The following SERPINI1 variants were observed in gnomAD, a reference collection of about 807,000 sequenced individuals.
The protein encoded by SERPINI1 is serpin family I member 1.
SERPINI1 carries 19 observed loss-of-function variants against 41.1 expected under a neutral mutation model. The ratio of observed to expected loss-of-function variants is 0.46; its 90% confidence interval spans 0.32 to 0.68. The LOEUF (loss-of-function observed/expected upper bound fraction) is 0.68, where lower values mean the gene tolerates loss of function less well. Among genes scored for constraint, SERPINI1 ranks in the 30% least tolerant of loss-of-function variants. The pLI is 0.03. For synonymous variants in SERPINI1, 138 were observed against 156.6 expected (o/e 0.88, Z 0.89); for missense variants, 460 against 479.2 (o/e 0.96, Z 0.37).
At chr3:167,760,562 TG>T (rs1367030950) in intron 1 of SERPINI1, among the ~76,000 whole-genome samples, 17 of 928 alleles carry the variant, frequency 0.018, no homozygotes, top group Admixed American at 0.068. Flanking sequence ...GGCTCCAAAT[TG>T]TGTGTGTGTG....
At chr3:167,796,836 G>GT (rs909299801) in intron 5 of SERPINI1, among the ~76,000 whole-genome samples, 9 of 152,222 alleles carry the variant, frequency 5.9e-5, no homozygotes, top group Non-Finnish European at 8.8e-5. Flanking sequence ...ATGTGTGCAT[G>GT]TATCTTTATA....
intron 6 of SERPINI1, among the ~76,000 whole-genome samples, chr3:167,819,698 C>T (rs1185530933): frequency 6.6e-6 from 1 of 152,126 alleles, no homozygotes; most frequent in Admixed American, 6.5e-5. Flanking sequence ...CTTATATGTA[C>T]AAGATAATTA....
chr3:167,792,064 G>A (rs562709837), intron 3 of SERPINI1, among the ~76,000 whole-genome samples: 172 of 152,268 alleles, frequency 1.1e-3, no homozygotes, highest in African/African-American at 3.9e-3. Context: ...GACAGAGTTT[G>A]CAGTGAGCAG....
At chr3:167,807,476 A>C (rs149420280) in intron 6 of SERPINI1, 135 bp downstream of exon 6, 1 of 639,918 alleles carries the variant, frequency 1.6e-6, no homozygotes, top group Non-Finnish European at 2.8e-6. Flanking sequence ...CTAGCATGAA[A>C]TACATTTAAC....
intron 1 of SERPINI1, among the ~76,000 whole-genome samples, chr3:167,742,569 A>G (rs939544111): frequency 1.3e-5 from 2 of 152,176 alleles, no homozygotes; most frequent in Non-Finnish European, 2.9e-5. Context: ...ATCAGGAAAT[A>G]AAAGCTTTCC....
At chr3:167,813,654 A>G (rs909098887) in intron 6 of SERPINI1, among the ~76,000 whole-genome samples, 30 of 152,250 alleles carry the variant, frequency 2.0e-4, no homozygotes, top group African/African-American at 7.0e-4. Context: ...ATCTGGTAGC[A>G]CTTTGCACAC....
In SERPINI1 at chr3:167,806,309, C is replaced by T. The variant is rs530098889; in HGVS notation, c.882-935C>T. 2.0e-5 allele frequency among the ~76,000 whole-genome samples: 3 copies of T among 151,866 alleles called. No individual in the cohort carries two copies. The South Asian group carries it at 6.2e-4, about 32-fold the overall frequency. ...GACTTAGGGAGGGGAACATCACACACTGGGTCCTGTCTGAGGGGGTAGGGG... is the reference window on the plus strand; with the variant it reads ...GACTTAGGGAGGGGAACATCACACATTGGGTCCTGTCTGAGGGGGTAGGGG... On this transcript the variant is annotated intron_variant, in intron 5 of 8. Transcript: ENST00000446050.
At chr3:167,748,030 A>G (rs1011433138) in intron 1 of SERPINI1, among the ~76,000 whole-genome samples, 12 of 151,962 alleles carry the variant, frequency 7.9e-5, no homozygotes, top group Non-Finnish European at 1.2e-4. Context: ...AGCTTATCTT[A>G]ATACTTCTTT....
chr3:167,765,514 T>C (rs891514907), intron 1 of SERPINI1, among the ~76,000 whole-genome samples: 1 of 152,190 alleles, frequency 6.6e-6, no homozygotes, highest in African/African-American at 2.4e-5. Context: ...ATGAAACCAC[T>C]TTTTCCTCCT....
chr3:167,812,069 C>T (rs1227500797), intron 6 of SERPINI1, among the ~76,000 whole-genome samples: 2 of 152,138 alleles, frequency 1.3e-5, no homozygotes, highest in African/African-American at 2.4e-5. Context: ...GCTAAGACCT[C>T]TCAAGTCCAC....
chr3:167,768,283 G>A (rs1726630371), intron 1 of SERPINI1, among the ~76,000 whole-genome samples: 1 of 152,106 alleles, frequency 6.6e-6, no homozygotes, highest in Admixed American at 6.5e-5. Flanking sequence ...GCATTTTTCA[G>A]CAATAAAGTA....
intron 7 of SERPINI1, among the ~76,000 whole-genome samples, chr3:167,823,553 AGGGTAAATG>A: frequency 6.6e-6 from 1 of 152,336 alleles, no homozygotes; most frequent in South Asian, 2.1e-4. Context: ...TAATGACATC[AGGGTAAATG>A]GGGTATTCAT....
intron 1 of SERPINI1, among the ~76,000 whole-genome samples, chr3:167,741,613 T>C (rs943568963): frequency 2.6e-5 from 4 of 152,236 alleles, no homozygotes; most frequent in African/African-American, 9.6e-5. Flanking sequence ...TACCATATTG[T>C]GGTGTATAAT....
rs181476400 is a variant in SERPINI1, at chr3:167,778,192, C to T, written c.-18-10919C>T. On this transcript the variant is annotated intron_variant, in intron 1 of 8. Coordinates refer to ENST00000446050, the MANE Select transcript of SERPINI1 (RefSeq NM_001122752.2). ...GAGCAGGTCATCAGGCCCAGCTGTACTCTTGCATGCATGTAAAATAACCAA... is the reference window on the plus strand; with the variant it reads ...GAGCAGGTCATCAGGCCCAGCTGTATTCTTGCATGCATGTAAAATAACCAA... 1.8e-3 allele frequency among the ~76,000 whole-genome samples: 274 copies of T among 152,022 alleles called. 1 individual carries two copies. The highest frequency in any genetic ancestry group is 3.3e-3 in the Admixed American group (51 of 15,286).
At chr3:167,818,365 G>T (rs1282542875) in intron 6 of SERPINI1, among the ~76,000 whole-genome samples, 1 of 152,100 alleles carries the variant, frequency 6.6e-6, no homozygotes, top group Non-Finnish European at 1.5e-5. Flanking sequence ...AAGGTTCACA[G>T]ATATATGTAT....
intron 1 of SERPINI1, among the ~76,000 whole-genome samples, chr3:167,761,091 G>C (rs1169433314): frequency 6.6e-6 from 1 of 152,160 alleles, no homozygotes; most frequent in Non-Finnish European, 1.5e-5. Context: ...ACTCACGTGT[G>C]ATCTTTTGCC....
chr3:167,787,285 A>T (rs200614069), intron 1 of SERPINI1, among the ~76,000 whole-genome samples: 10 of 152,316 alleles, frequency 6.6e-5, no homozygotes, highest in East Asian at 3.9e-4. Context: ...TTATTTTTTT[A>T]AAATGATAAG....
chr3:167,774,140 A>C (rs531396438), intron 1 of SERPINI1, among the ~76,000 whole-genome samples: 1 of 152,328 alleles, frequency 6.6e-6, no homozygotes, highest in South Asian at 2.1e-4. Flanking sequence ...ACTCTATGAA[A>C]TATAAAGTAG....
At chr3:167,766,063 C>T (rs1726557264) in intron 1 of SERPINI1, among the ~76,000 whole-genome samples, 1 of 152,036 alleles carries the variant, frequency 6.6e-6, no homozygotes, top group South Asian at 2.1e-4. Flanking sequence ...TCTTCTGAGC[C>T]CTCCAAACTT....
Sources: gnomAD v4.1 joint callset for allele counts (sites outside exome capture counted in the v4.1 genomes callset) on GRCh38, gnomAD v4.1.1 for gene constraint, MANE v1.5 for transcripts, NCBI Gene and HGNC (gene_info 2026-07-23, HGNC 2026-07-21) for gene names.